Variants in MOXD1 observed in about 807,000 individuals in gnomAD.
MOXD1 encodes the protein DBH-like monooxygenase protein 1.
MOXD1 carries 62 observed loss-of-function variants against 66.6 expected under a neutral mutation model. The observed-to-expected ratio is 0.93, with a 90% CI of 0.76 to 1.15. MOXD1 has a LOEUF of 1.15. MOXD1 is among the 50% of genes most tolerant of loss of function. The pLI, the probability that MOXD1 is intolerant of heterozygous loss-of-function variation, is 0.00. For synonymous variants in MOXD1, 303 were observed against 281.9 expected (o/e 1.07, Z -0.75); for missense variants, 847 against 754.6 (o/e 1.12, Z -1.44).
rs760139241 is a variant in MOXD1 at position 132,372,851 on chromosome 6, G to A, written c.558C>T (p.Tyr186=). 3.1e-6 allele frequency: 5 copies of A among 1,613,952 alleles called. No individual in the cohort carries two copies. The highest frequency in any genetic ancestry group is 4.2e-6 in the Non-Finnish European group (5 of 1,179,880). Residue 186 remains tyrosine, a synonymous_variant, in exon 3 of 12, where the codon TAC becomes TAT. Transcript: ENST00000367963. Reference sequence around the variant, plus strand: ...TTACGTCCTGATTTACCAGATCAAAGTATGGTAAGGCTGTAGATAGCACAC... The same window carrying A: ...TTACGTCCTGATTTACCAGATCAAAATATGGTAAGGCTGTAGATAGCACAC... The part of the protein sequence containing the change: ...KTSVLSTALP[Y]FDLVNQDVPI...
intron 4 of MOXD1, among the ~76,000 whole-genome samples, chr6:132,367,457 A>G (rs888718445): frequency 2.6e-5 from 4 of 152,052 alleles, no homozygotes; most frequent in Admixed American, 6.6e-5. Flanking sequence ...CATTTTCCAG[A>G]GGAGGAAACT....
At chr6:132,313,049 C>T (rs1774865781) in intron 10 of MOXD1, among the ~76,000 whole-genome samples, 1 of 111,914 alleles carries the variant, frequency 8.9e-6, no homozygotes, top group Non-Finnish European at 1.6e-5. Flanking sequence ...TTATGTGATG[C>T]TTGGATTTTT....
intron 4 of MOXD1, among the ~76,000 whole-genome samples, chr6:132,369,923 C>A (rs1776230396): frequency 6.6e-6 from 1 of 152,104 alleles, no homozygotes; most frequent in South Asian, 2.1e-4. Flanking sequence ...GGTCTAGGCA[C>A]TATCAACATT....
At chr6:132,386,534 A>C (rs1776649691) in intron 1 of MOXD1, among the ~76,000 whole-genome samples, 1 of 151,438 alleles carries the variant, frequency 6.6e-6, no homozygotes, top group Admixed American at 6.6e-5. Flanking sequence ...GACCAGGCAA[A>C]CTTCTTGAGG....
Position 132,372,920 on chromosome 6 carries a change from A to G in MOXD1, c.489T>C (p.Asn163=). The change falls in exon 3 of 12, where the codon AAT becomes AAC. Residue 163 remains asparagine (N), a synonymous_variant. Coordinates refer to ENST00000367963, the MANE Select transcript of MOXD1 (RefSeq NM_015529.4). ...GEAGPKYHDS[N]RGTKSLRLLN... ...ATAACCGCAAACTCTTGGTGCCCCT[A>G]TTGGAGTCATGGTACTTGGGACCAG... 13 of 1,614,026 alleles carry G rather than the reference A, an allele frequency of 8.1e-6. No individual in the cohort carries two copies. Among genetic ancestry groups the G allele is most frequent in the African/African-American group, 1.3e-5 (1 of 75,042 alleles).
At chr6:132,377,984 C>G (rs1178287527) in intron 1 of MOXD1, among the ~76,000 whole-genome samples, 1 of 151,890 alleles carries the variant, frequency 6.6e-6, no homozygotes, top group Non-Finnish European at 1.5e-5. Flanking sequence ...AAAAACTAGC[C>G]GCGCGTGGTG....
At chr6:132,304,258 T>C (rs584864) in intron 10 of MOXD1, among the ~76,000 whole-genome samples, 54,552 of 151,910 alleles carry the variant, frequency 0.36, 9,993 homozygotes, top group South Asian at 0.49. Context: ...AGGTGCCATC[T>C]TGGAAGTGGA....
intron 4 of MOXD1, among the ~76,000 whole-genome samples, chr6:132,354,071 G>A (rs1050256745): frequency 7.9e-5 from 12 of 152,066 alleles, no homozygotes; most frequent in Admixed American, 7.2e-4. Context: ...TTCACTTCTT[G>A]TATTGTTTTT....
chr6:132,335,685 T>C (rs1455184467), intron 4 of MOXD1, among the ~76,000 whole-genome samples: 1 of 152,212 alleles, frequency 6.6e-6, no homozygotes, highest in African/African-American at 2.4e-5. Context: ...AAATTTCTGC[T>C]GTTTGAAGCT....
intron 4 of MOXD1, among the ~76,000 whole-genome samples, chr6:132,366,840 G>A (rs1326800840): frequency 6.6e-6 from 1 of 152,040 alleles, no homozygotes; most frequent in Non-Finnish European, 1.5e-5. Flanking sequence ...CCTACTATAG[G>A]AAAATCAATT....
At chr6:132,397,636 C>CAGAAAGAAAGAAAGAA (rs71759740) in intron 1 of MOXD1, among the ~76,000 whole-genome samples, 12 of 122,388 alleles carry the variant, frequency 9.8e-5, no homozygotes, top group South Asian at 5.7e-4. Flanking sequence ...GAGAGAGAGA[C>CAGAAAGAAAGAAAGAA]AGAAAGAAAG....
intron 4 of MOXD1, among the ~76,000 whole-genome samples, chr6:132,329,013 G>A (rs751660299): frequency 3.7e-4 from 56 of 152,000 alleles, no homozygotes; most frequent in Non-Finnish European, 6.6e-4. Flanking sequence ...TGTGCACAAC[G>A]TGGAGGTTTG....
At chr6:132,331,719 C>T (rs771224391) in intron 4 of MOXD1, among the ~76,000 whole-genome samples, 98 of 152,278 alleles carry the variant, frequency 6.4e-4, no homozygotes, top group Middle Eastern at 3.4e-3. Context: ...GATTAGACAA[C>T]AAGCCCAAAG....
At chr6:132,302,841 G>T (rs1183543480) in intron 10 of MOXD1, among the ~76,000 whole-genome samples, 1 of 152,052 alleles carries the variant, frequency 6.6e-6, no homozygotes, top group African/African-American at 2.4e-5. Context: ...TTAGAGTAAG[G>T]CTAAACATAT....
intron 9 of MOXD1, among the ~76,000 whole-genome samples, 166 bp downstream of exon 9, chr6:132,320,463 A>G (rs1360776375): frequency 6.6e-6 from 1 of 152,212 alleles, no homozygotes; most frequent in Non-Finnish European, 1.5e-5. Context: ...TTGAAGTCTT[A>G]GAAAATGCTA....
At chr6:132,338,317 C>T (rs888282776) in intron 4 of MOXD1, among the ~76,000 whole-genome samples, 5 of 152,290 alleles carry the variant, frequency 3.3e-5, no homozygotes, top group African/African-American at 1.2e-4. Context: ...ATCCCTGGAG[C>T]CTTTTCAGTG....
chr6:132,332,856 C>T (rs1165908186), intron 4 of MOXD1, among the ~76,000 whole-genome samples: 1 of 152,176 alleles, frequency 6.6e-6, no homozygotes, highest in African/African-American at 2.4e-5. Flanking sequence ...TTAGCCAAGG[C>T]ACCATCTGAG....
chr6:132,386,403 A>AAAAAC lies in MOXD1; in HGVS notation c.265-11631_265-11627dup, dbSNP rs1161699976. On this transcript the variant is annotated intron_variant, in intron 1 of 11. Coordinates refer to ENST00000367963, the MANE Select transcript of MOXD1 (RefSeq NM_015529.4). ...GGCGACAGAGCGAGACTCCGTCTCA[A>AAAAAC]AAAACAAAACAAAACAAAACAAAAC... Among the ~76,000 whole-genome samples the AAAAAC allele has an allele frequency of 3.5e-3, 518 of 147,430 alleles. 15 individuals are homozygous for AAAAAC. Among genetic ancestry groups the AAAAAC allele is most frequent in the Non-Finnish European group, 4.7e-3 (311 of 66,808 alleles).
chr6:132,342,276 A>C (rs1775579387), intron 4 of MOXD1, among the ~76,000 whole-genome samples: 1 of 152,266 alleles, frequency 6.6e-6, no homozygotes, highest in Non-Finnish European at 1.5e-5. Flanking sequence ...CCAGGATTAC[A>C]GGCGTGAGCC....
Sources: allele counts gnomAD v4.1 joint callset (sites outside exome capture counted in the v4.1 genomes callset), GRCh38; gene constraint gnomAD v4.1.1; transcripts MANE v1.5; gene names NCBI Gene and HGNC (gene_info 2026-07-23, HGNC 2026-07-21).